BID: variants seen among roughly 807,000 people sequenced by gnomAD.
BID encodes the protein BH3-interacting domain death agonist.
In BID, 19 loss-of-function variants were observed where a neutral mutation model predicts 17.4. The ratio of observed to expected loss-of-function variants is 1.09; its 90% CI spans 0.76 to 1.60. BID has a LOEUF of 1.60. BID is among the 40% of genes most tolerant of loss of function. The pLI is 0.00. For synonymous variants in BID, 108 were observed against 102.8 expected, an observed-to-expected ratio of 1.05 and a Z score of -0.31; for missense variants, 226 against 256.0, an observed-to-expected ratio of 0.88 and a Z score of 0.80.
At position 17,753,999 on chromosome 22, in the gene BID, G is replaced by A. The variant is rs569963925; in HGVS notation, c.-58-3825C>T. Among the ~76,000 whole-genome samples, 4 of 151,200 alleles carry A rather than the reference G, an allele frequency of 2.6e-5. No homozygotes were observed. The East Asian group carries it at 5.8e-4, about 22-fold the overall frequency. On this transcript the variant is annotated intron_variant, in intron 1 of 5. Transcript: ENST00000622694. ...CAGTCTCCAGGACTCTGCCGGACAG[G>A]GGTGACATTCCCCCAGTCTCCAGGA... is the stretch of plus-strand genomic sequence containing the variant.
intron 3 of BID, among the ~76,000 whole-genome samples, chr22:17,742,950 C>A (rs1391659575): frequency 6.6e-6 from 1 of 152,150 alleles, no homozygotes; most frequent in Non-Finnish European, 1.5e-5. Flanking sequence ...GGATCAGCAA[C>A]AGGAAAGGTG....
intron 1 of BID, among the ~76,000 whole-genome samples, chr22:17,761,557 G>A (rs915382110): frequency 2.0e-5 from 3 of 150,402 alleles, no homozygotes; most frequent in South Asian, 2.1e-4. Context: ...TCAGCCTCCC[G>A]AGTAGCTGGG....
Position 17,773,768 on chromosome 22 carries a change from T to G in BID, c.-59+613A>C. 7.5e-6 allele frequency: 10 copies of G among 1,330,390 alleles called. No homozygotes were observed. Among genetic ancestry groups the G allele is most frequent in the South Asian group, 2.5e-5 (2 of 81,476 alleles). 82.4% of individuals were successfully genotyped at this position (1,330,390 alleles called of 1,614,324 possible). A position where few individuals can be genotyped will look rare whatever the true frequency, so the allele number is the denominator to read the frequency against. On this transcript the variant is annotated intron_variant, in intron 1 of 5. Coordinates refer to ENST00000622694, the MANE Select transcript of BID (RefSeq NM_001196.4). This position sits in a 1 kb window ranked among gnomAD's most constrained non-coding sequence, Gnocchi z 4.4. ...TGAGGGCTTCAGAGCTCTCCCAGGG[T>G]CCCCTGGGGTCATTCAGCCACTCAA...
intron 5 of BID, 108 bp downstream of exon 5, chr22:17,737,908 TA>T: frequency 8.5e-7 from 1 of 1,175,768 alleles, no homozygotes; most frequent in Non-Finnish European, 1.3e-6. Flanking sequence ...GGACAGCCTG[TA>T]ACCCTTGTGC....
chr22:17,735,391 A>G lies in BID; in HGVS notation c.*189T>C, dbSNP rs1275137652. ...TGTAAATGGACATTTTCATTCAAGT[A>G]TATTAATGTAGATATTTTAAAGTGG... On this transcript the variant is annotated 3_prime_UTR_variant, in exon 6 of 6. Transcript: ENST00000622694. The G allele has an allele frequency of 3.2e-6, 2 of 625,280 alleles. No individual in the cohort carries two copies. Among genetic ancestry groups the G allele is most frequent in the African/African-American group, 1.8e-5 (1 of 54,288 alleles). 38.7% of individuals were successfully genotyped at this position (625,280 alleles called of 1,614,324 possible).
At chr22:17,735,653 A>G in intron 5 of BID, 62 bp from the exon 6 acceptor site, 2 of 1,602,640 alleles carry the variant, frequency 1.2e-6, no homozygotes, top group Non-Finnish European at 1.7e-6. Context: ...CAGGCTCCAG[A>G]GCTCTGTGCC....
intron 4 of BID, 47 bp downstream of exon 4, chr22:17,739,302 C>T (rs2061440991): frequency 6.7e-7 from 1 of 1,503,726 alleles, no homozygotes; most frequent in Admixed American, 2.0e-5. Flanking sequence ...GGGACAGGCC[C>T]CCTTGGCTCA....
chr22:17,771,873 C>T lies in BID; in HGVS notation c.-59+2508G>A, dbSNP rs144023315. Among the ~76,000 whole-genome samples the T allele has an allele frequency of 2.0e-3, 302 of 152,308 alleles. 2 individuals carry two copies. The highest frequency in any genetic ancestry group is 6.6e-3 in the African/African-American group (273 of 41,570). On this transcript the variant is annotated intron_variant, in intron 1 of 5. Coordinates refer to ENST00000622694, the MANE Select transcript of BID (RefSeq NM_001196.4). Reference sequence around the variant, plus strand: ...CTTCCCCTTTCCCACACACGTCACTCGCTGCCTTGGAATCTGGGCTGCCTC... The same window carrying T: ...CTTCCCCTTTCCCACACACGTCACTTGCTGCCTTGGAATCTGGGCTGCCTC...
At position 17,738,153 on chromosome 22, in the gene BID, G is replaced by T; in HGVS notation, c.440C>A (p.Thr147Asn). Residue 147 changes from threonine (T) to asparagine (N), a missense_variant, in exon 5 of 6, where the codon ACC becomes AAC. Coordinates refer to ENST00000622694, the MANE Select transcript of BID (RefSeq NM_001196.4). Reference sequence around the variant, plus strand: ...CAGCAGCAGGGCCAGCACCAGCATGGTCTTCTCCTTCTCCATGTCTCTAGG... The same window carrying T: ...CAGCAGCAGGGCCAGCACCAGCATGTTCTTCTCCTTCTCCATGTCTCTAGG... ...AYPRDMEKEK[T>N]MLVLALLLAK... is the part of the protein sequence containing the mutation. 1 of 1,613,840 alleles carries T rather than the reference G, an allele frequency of 6.2e-7. No individual in the cohort carries two copies. The highest frequency in any genetic ancestry group is 1.3e-5 in the African/African-American group (1 of 75,040).
At chr22:17,763,692 C>T (rs1483005036) in intron 1 of BID, among the ~76,000 whole-genome samples, 2 of 151,350 alleles carry the variant, frequency 1.3e-5, no homozygotes, top group African/African-American at 4.9e-5. Flanking sequence ...TTCTATGCTT[C>T]CTCAACATGA....
intron 1 of BID, among the ~76,000 whole-genome samples, chr22:17,756,397 TC>T (rs2061583571): frequency 7.8e-6 from 1 of 128,208 alleles, no homozygotes; most frequent in African/African-American, 2.9e-5. Flanking sequence ...TCTCTTTCTT[TC>T]TTTTCTTTTT....
chr22:17,735,504 T>A lies in BID; in HGVS notation c.*76A>T. The A allele has an allele frequency of 1.3e-6, 2 of 1,568,982 alleles. No homozygotes were observed. Among genetic ancestry groups the A allele is most frequent in the Non-Finnish European group, 1.8e-6 (2 of 1,139,524 alleles). On this transcript the variant is annotated 3_prime_UTR_variant, in exon 6 of 6. Transcript: ENST00000622694. ...AGGAACGCTGTTGACATGCCAGGGC[T>A]CCGTCTACACTGGAAGCAGCTATAC...
In BID at chr22:17,751,562, G is replaced by A. The variant is rs150971319; in HGVS notation, c.-58-1388C>T. Among the ~76,000 whole-genome samples, 696 of 152,232 alleles carry A rather than the reference G, an allele frequency of 4.6e-3. 4 individuals are homozygous for A. Among genetic ancestry groups the A allele is most frequent in the African/African-American group, 0.016 (667 of 41,572 alleles). Reference sequence around the variant, plus strand: ...AAACCAAGCATTGGCAATTTCACATGGTTCCTGAATACATAGGAAATAAAA... The same window carrying A: ...AAACCAAGCATTGGCAATTTCACATAGTTCCTGAATACATAGGAAATAAAA... On this transcript the variant is annotated intron_variant, in intron 1 of 5. Transcript: ENST00000622694.
intron 1 of BID, among the ~76,000 whole-genome samples, chr22:17,759,022 A>G (rs1017482593): frequency 6.6e-6 from 1 of 151,994 alleles, no homozygotes; most frequent in Non-Finnish European, 1.5e-5. Flanking sequence ...CACAAGGTCA[A>G]GAGATCGAGA....
chr22:17,739,913 G>A (rs919911193), intron 3 of BID: 21 of 729,666 alleles, frequency 2.9e-5, no homozygotes, highest in Non-Finnish European at 4.1e-5. Context: ...GCCCTCTCAA[G>A]CCTGAGAGCC....
At chr22:17,737,917 T>G in intron 5 of BID, 100 bp downstream of exon 5, 3 of 1,238,122 alleles carry the variant, frequency 2.4e-6, no homozygotes, top group Non-Finnish European at 3.5e-6. Flanking sequence ...GTAACCCTTG[T>G]GCTGGCATCA....
intron 1 of BID, among the ~76,000 whole-genome samples, chr22:17,752,671 A>ATT (rs5844325): frequency 4.4e-4 from 65 of 149,374 alleles, no homozygotes; most frequent in Admixed American, 1.4e-3. Flanking sequence ...CCAATGGGAC[A>ATT]TTTTTTTTTT....
At chr22:17,736,071 A>G (rs568531440) in intron 5 of BID, among the ~76,000 whole-genome samples, 3 of 152,310 alleles carry the variant, frequency 2.0e-5, no homozygotes, top group South Asian at 2.1e-4. Flanking sequence ...ACCACAGCAT[A>G]TAAGGAATGT....
At chr22:17,739,267 C>G in intron 4 of BID, 82 bp downstream of exon 4, 1 of 1,453,318 alleles carries the variant, frequency 6.9e-7, no homozygotes, top group South Asian at 1.3e-5. Flanking sequence ...CCTCACGGGA[C>G]AGTGGGCTGC....
Sources: allele counts gnomAD v4.1 joint callset (sites outside exome capture counted in the v4.1 genomes callset), GRCh38; gene constraint gnomAD v4.1.1; non-coding constraint Gnocchi (gnomAD v3.1); transcripts MANE v1.5; gene names NCBI Gene and HGNC (gene_info 2026-07-23, HGNC 2026-07-21).